Variants in RRM2 observed in about 807,000 individuals in gnomAD.
RRM2 encodes the protein ribonucleoside-diphosphate reductase subunit M2.
In RRM2, 6 loss-of-function variants were observed where a neutral mutation model predicts 45.9. The observed-to-expected ratio is 0.13, with a 90% confidence interval of 0.07 to 0.26. RRM2 has a LOEUF of 0.26. Among genes scored for constraint, RRM2 ranks in the 10% least tolerant of loss-of-function variants. The probability of loss-of-function intolerance (pLI) is 1.00; values close to 1 mark genes in which losing one functional copy is unlikely to be tolerated. For synonymous variants in RRM2, 177 were observed against 173.0 expected (o/e 1.02, Z -0.18); for missense variants, 343 against 489.5 (o/e 0.70, Z 2.82).
chr2:10,158,146 G>T (rs962928424), intron 3 of RRM2, among the ~76,000 whole-genome samples: 1 of 151,962 alleles, frequency 6.6e-6, no homozygotes, highest in African/African-American at 2.4e-5. Flanking sequence ...TGATTTTACG[G>T]ATGAAAAAAA....
chr2:10,123,258 C>T lies in RRM2; in HGVS notation c.175-129C>T. 3.8e-6 allele frequency: 5 copies of T among 1,317,610 alleles called. No homozygotes were observed. In the South Asian group the frequency reaches 7.3e-5, roughly 19 times the overall value. 81.6% of individuals were successfully genotyped at this position (1,317,610 alleles called of 1,614,324 possible). A position where few individuals can be genotyped will look rare whatever the true frequency, so the allele number is the denominator to read the frequency against. On this transcript the variant is annotated intron_variant, in intron 2 of 9. Transcript: ENST00000304567. ...CTCCTCTGCTGCGACCCACGGAGTGCGACGGGACAGCCACGTTTTCACATC... is the reference window on the plus strand; with the variant it reads ...CTCCTCTGCTGCGACCCACGGAGTGTGACGGGACAGCCACGTTTTCACATC...
At chr2:10,122,633 AG>A, upstream of RRM2, 1 of 1,540,084 alleles carries the variant, frequency 6.5e-7, no homozygotes. Flanking sequence ...GAAGGGTCGG[AG>A]GCATGGCACA....
chr2:10,167,132 C>T (rs964930574), intron 3 of RRM2, among the ~76,000 whole-genome samples: 2 of 152,230 alleles, frequency 1.3e-5, no homozygotes, highest in African/African-American at 4.8e-5. Context: ...CACGCCTCGA[C>T]TGCCACTCTC....
At chr2:10,196,429 CTG>C (rs1199434307) in intron 3 of RRM2, among the ~76,000 whole-genome samples, 2 of 152,186 alleles carry the variant, frequency 1.3e-5, no homozygotes, top group Admixed American at 6.5e-5. Flanking sequence ...TGGGTCCAGA[CTG>C]TGGCTGTTTC....
intron 3 of RRM2, among the ~76,000 whole-genome samples, chr2:10,201,597 A>G (rs1664571860): frequency 6.6e-6 from 1 of 152,200 alleles, no homozygotes; most frequent in Non-Finnish European, 1.5e-5. Context: ...TCATAAAACC[A>G]CCTTCTAAAG....
chr2:10,210,115 C>T (rs1664731503), intron 3 of RRM2, among the ~76,000 whole-genome samples: 2 of 152,176 alleles, frequency 1.3e-5, no homozygotes, highest in Non-Finnish European at 2.9e-5. Context: ...TTGCCTTGGC[C>T]CCAGCCCTCC....
chr2:10,175,112 C>G (rs975862569), intron 3 of RRM2, among the ~76,000 whole-genome samples: 8 of 152,160 alleles, frequency 5.3e-5, no homozygotes, highest in Non-Finnish European at 1.0e-4. Context: ...GAAAAGTGCA[C>G]AAATCTGAAG....
At chr2:10,142,071 CA>C (rs1441268195) in intron 2 of RRM2, 1 of 1,599,322 alleles carries the variant, frequency 6.3e-7, no homozygotes, top group East Asian at 2.3e-5. Flanking sequence ...GGGGATCGAC[CA>C]CGTGGTTAGG....
rs542807925 is a variant in RRM2 at position 10,209,475 on chromosome 2, T to C, written n.483-836T>C. Among the ~76,000 whole-genome samples, 18 of 152,332 alleles carry C rather than the reference T, an allele frequency of 1.2e-4. No homozygotes were observed. In the East Asian group the frequency reaches 3.3e-3, roughly 28 times the overall value. Reference sequence around the variant, plus strand: ...CTATTGTTTTGTCTGCCCAGTCTCTTCTTTTCTTGTGGGAATATGCTTCTG... The same window carrying C: ...CTATTGTTTTGTCTGCCCAGTCTCTCCTTTTCTTGTGGGAATATGCTTCTG... On this transcript the variant is annotated intron_variant and non_coding_transcript_variant, in intron 3 of 3. Transcript: ENST00000381786.
intron 3 of RRM2, among the ~76,000 whole-genome samples, chr2:10,143,573 G>C (rs961395609): frequency 6.6e-6 from 1 of 152,234 alleles, no homozygotes; most frequent in Admixed American, 6.5e-5. Context: ...TGTCTGACAC[G>C]GTAACGTGCA....
intron 3 of RRM2, among the ~76,000 whole-genome samples, chr2:10,149,466 G>A (rs116086283): frequency 0.016 from 2,429 of 152,256 alleles, 57 homozygotes; most frequent in African/African-American, 0.054. Context: ...AATTTTCAGC[G>A]AAAAGTTTGC....
At chr2:10,174,984 G>T (rs1168265601) in intron 3 of RRM2, among the ~76,000 whole-genome samples, 5 of 152,198 alleles carry the variant, frequency 3.3e-5, no homozygotes, top group African/African-American at 4.8e-5. Flanking sequence ...AGGAAAAGAT[G>T]CCCAAATATA....
chr2:10,166,527 G>T (rs1663686274), intron 3 of RRM2, among the ~76,000 whole-genome samples: 1 of 152,366 alleles, frequency 6.6e-6, no homozygotes, highest in East Asian at 1.9e-4. Context: ...TGGCAAATTG[G>T]TGAGGGGTCA....
At chr2:10,210,903 A>G in exon 4 of RRM2, 1 of 254,454 alleles carries the variant, frequency 3.9e-6, no homozygotes, top group Non-Finnish European at 7.8e-6. Flanking sequence ...GCCATCTACA[A>G]GCCAAGAAGA....
chr2:10,177,575 T>G (rs1279270422), intron 3 of RRM2, among the ~76,000 whole-genome samples: 2 of 152,168 alleles, frequency 1.3e-5, no homozygotes, highest in Admixed American at 6.5e-5. Context: ...TTCCTCTAGT[T>G]CTACACACTT....
In RRM2 at chr2:10,169,253, C is replaced by T. The variant is rs1663744861; in HGVS notation, n.482+26878C>T. On this transcript the variant is annotated intron_variant and non_coding_transcript_variant, in intron 3 of 3. Coordinates refer to the RRM2 transcript ENST00000381786. The surrounding 1 kb of genome is among the most constrained non-coding windows in gnomAD (Gnocchi z 5.1). Reference sequence around the variant, plus strand: ...TCAGCCTCCCACAGTGCTGGGATTACAGGTGTGCGCCACTGTGCCCAGCTG... The same window carrying T: ...TCAGCCTCCCACAGTGCTGGGATTATAGGTGTGCGCCACTGTGCCCAGCTG... Among the ~76,000 whole-genome samples, 1 of 151,416 alleles carries T rather than the reference C, an allele frequency of 6.6e-6. No individual in the cohort carries two copies. The highest frequency in any genetic ancestry group is 1.5e-5 in the Non-Finnish European group (1 of 67,980).
chr2:10,189,813 G>A (rs1448650656), intron 3 of RRM2, among the ~76,000 whole-genome samples: 1 of 152,234 alleles, frequency 6.6e-6, no homozygotes, highest in Non-Finnish European at 1.5e-5. Context: ...CTGAAGGCAG[G>A]GTCAACTCTG....
intron 3 of RRM2, among the ~76,000 whole-genome samples, chr2:10,200,628 A>T (rs1324762887): frequency 2.2e-5 from 2 of 91,166 alleles, no homozygotes; most frequent in African/African-American, 7.9e-5. Context: ...CGCGCGCAAA[A>T]TATGAGGCCC....
intron 3 of RRM2, among the ~76,000 whole-genome samples, chr2:10,165,334 A>C (rs1194640133): frequency 3.3e-5 from 5 of 152,140 alleles, no homozygotes; most frequent in African/African-American, 1.2e-4. Context: ...CCTACACTGA[A>C]TCCTCTGGGA....
Sources: gnomAD v4.1 joint callset for allele counts (sites outside exome capture counted in the v4.1 genomes callset) on GRCh38, gnomAD v4.1.1 for gene constraint, Gnocchi (gnomAD v3.1) non-coding constraint, MANE v1.5 for transcripts, NCBI Gene and HGNC (gene_info 2026-07-23, HGNC 2026-07-21) for gene names.